MYOM2: variants seen among roughly 807,000 people sequenced by gnomAD.
MYOM2 encodes myomesin-2.
A neutral mutation model predicts 187.6 loss-of-function variants in MYOM2; 254 were observed. That is an observed-to-expected ratio of 1.35 (90% CI 1.22 to 1.50). The LOEUF (loss-of-function observed/expected upper bound fraction) is 1.50, where lower values mean the gene tolerates loss of function less well. Among genes scored for constraint, MYOM2 ranks in the 40% most tolerant of loss-of-function variants. The probability of loss-of-function intolerance (pLI) is 0.00; values close to 1 mark genes in which losing one functional copy is unlikely to be tolerated. For synonymous variants in MYOM2, 981 were observed against 753.8 expected, an observed-to-expected ratio of 1.30 and a Z score of -4.94; for missense variants, 2,796 against 1,924.0, an observed-to-expected ratio of 1.45 and a Z score of -8.48.
In MYOM2 at chr8:2,106,557, T is replaced by C; in HGVS notation, c.2958T>C (p.Asp986=). ...GGACTTACTCCGTGTCTGTAAGTGATACAGACGGAGTGTCCTCCAGTTTTG... is the reference window on the plus strand; with the variant it reads ...GGACTTACTCCGTGTCTGTAAGTGACACAGACGGAGTGTCCTCCAGTTTTG... ...DLGTYSVSVS[D]TDGVSSSFVL... The change falls in exon 23 of 37, where the codon GAT becomes GAC. Residue 986 remains aspartate, a synonymous_variant. Coordinates refer to ENST00000262113, the MANE Select transcript of MYOM2 (RefSeq NM_003970.4). The C allele has an allele frequency of 6.2e-7, 1 of 1,611,140 alleles. No homozygotes were observed. The highest frequency in any genetic ancestry group is 1.1e-5 in the South Asian group (1 of 91,034).
chr8:2,086,588 A>G (rs1254662636), intron 14 of MYOM2, among the ~76,000 whole-genome samples: 1 of 150,794 alleles, frequency 6.6e-6, no homozygotes, highest in African/African-American at 2.4e-5. Context: ...CAGACCCTGC[A>G]CCGTTGCTGG....
chr8:2,057,973 A>G (rs1393438212), intron 5 of MYOM2, among the ~76,000 whole-genome samples, 193 bp downstream of exon 5: 1 of 125,788 alleles, frequency 7.9e-6, no homozygotes, highest in Non-Finnish European at 1.7e-5. Context: ...TTTTCATGAC[A>G]TTGAGTCAAC....
chr8:2,135,062 C>G (rs1798021366), intron 32 of MYOM2, among the ~76,000 whole-genome samples: 1 of 152,212 alleles, frequency 6.6e-6, no homozygotes, highest in Admixed American at 6.5e-5. Context: ...CCCAGCCCAA[C>G]TCCACAGCCT....
intron 32 of MYOM2, among the ~76,000 whole-genome samples, chr8:2,133,227 G>A (rs902748226): frequency 6.6e-6 from 1 of 152,198 alleles, no homozygotes; most frequent in African/African-American, 2.4e-5. Context: ...TCCCAAAGGA[G>A]GTCTGCATTC....
intron 10 of MYOM2, among the ~76,000 whole-genome samples, chr8:2,074,316 G>C (rs530636725): frequency 6.6e-6 from 1 of 152,170 alleles, no homozygotes; most frequent in East Asian, 1.9e-4. Flanking sequence ...CTCAGAGGCA[G>C]GAGAAATGTC....
At chr8:2,126,841 T>A (rs1419616957) in intron 31 of MYOM2, among the ~76,000 whole-genome samples, 9 of 107,056 alleles carry the variant, frequency 8.4e-5, no homozygotes, top group African/African-American at 3.3e-4. Flanking sequence ...CTGGGAGAGG[T>A]TGATAGAGGC....
Position 2,145,214 on chromosome 8 carries a change from G to A in MYOM2, c.*233G>A, listed in dbSNP as rs1370918456. On this transcript the variant is annotated 3_prime_UTR_variant, in exon 37 of 37. Transcript: ENST00000262113. ...AACGTGTATTTACACGAGGGTAGAC[G>A]GCAGATGCCTGACAGAGAGTGGGTT... 3.4e-6 allele frequency: 2 copies of A among 584,458 alleles called. No individual in the cohort carries two copies. Among genetic ancestry groups the A allele is most frequent in the East Asian group, 2.9e-5 (1 of 34,540 alleles). The allele number at this position is 584,458 out of a possible 1,614,324, so 36.2% of individuals were successfully genotyped here.
intron 36 of MYOM2, 90 bp from the exon 37 acceptor site, chr8:2,144,574 T>G (rs1438324191): frequency 3.9e-6 from 5 of 1,284,126 alleles, no homozygotes; most frequent in African/African-American, 3.0e-5. Flanking sequence ...TAAATGTAAC[T>G]GAGTGTGACC....
chr8:2,122,301 C>T (rs1797484358), intron 28 of MYOM2, among the ~76,000 whole-genome samples: 2 of 152,244 alleles, frequency 1.3e-5, no homozygotes, highest in Admixed American at 6.5e-5. Context: ...CTTTGCAGCT[C>T]AGTGGGATAC....
intron 17 of MYOM2, among the ~76,000 whole-genome samples, chr8:2,095,114 C>A (rs79821537): frequency 0.048 from 7,337 of 152,198 alleles, 210 homozygotes; most frequent in East Asian, 0.13. Context: ...TAAAATTTAT[C>A]TTCTAATGAT....
chr8:2,113,198 G>A (rs758779038), intron 25 of MYOM2, among the ~76,000 whole-genome samples: 1 of 152,226 alleles, frequency 6.6e-6, no homozygotes, highest in Non-Finnish European at 1.5e-5. Flanking sequence ...GTCCCGCGCT[G>A]GACATTGGAT....
At position 2,138,903 on chromosome 8, in the gene MYOM2, C is replaced by T. The variant is rs1798175530; in HGVS notation, c.3801-1820C>T. On this transcript the variant is annotated intron_variant, in intron 32 of 36. Transcript: ENST00000262113. Reference sequence around the variant, plus strand: ...TCTGGCTTAGTGTGCGCCAGGATCCCACTGTGCCTTCACAGAACTCCCACT... The same window carrying T: ...TCTGGCTTAGTGTGCGCCAGGATCCTACTGTGCCTTCACAGAACTCCCACT... 2.0e-5 allele frequency among the ~76,000 whole-genome samples: 3 copies of T among 152,096 alleles called. 1 individual carries two copies. Among genetic ancestry groups the T allele is most frequent in the African/African-American group, 7.2e-5 (3 of 41,388 alleles).
At chr8:2,125,090 G>C (rs1336414116) in intron 31 of MYOM2, among the ~76,000 whole-genome samples, 1 of 151,890 alleles carries the variant, frequency 6.6e-6, no homozygotes, top group Non-Finnish European at 1.5e-5. Context: ...TTTTAGTTTT[G>C]TGCAGTACCA....
intron 10 of MYOM2, among the ~76,000 whole-genome samples, chr8:2,075,573 T>A (rs1325057911): frequency 2.0e-5 from 3 of 152,220 alleles, no homozygotes; most frequent in Non-Finnish European, 2.9e-5. Flanking sequence ...GATAAGAAGG[T>A]TCACATTCAG....
intron 32 of MYOM2, among the ~76,000 whole-genome samples, chr8:2,137,292 G>T (rs749610956): frequency 6.6e-6 from 1 of 151,948 alleles, no homozygotes; most frequent in South Asian, 2.1e-4. Flanking sequence ...CGATTGTTGC[G>T]TCCTCTTGGT....
In MYOM2 at chr8:2,085,413, G is replaced by GTCGT. The variant is rs1405394779; in HGVS notation, c.1644+23_1644+24insTCGT. 13 of 1,582,292 alleles carry GTCGT rather than the reference G, an allele frequency of 8.2e-6. No individual in the cohort carries two copies. The Admixed American group carries it at 1.6e-4, about 19-fold the overall frequency. On this transcript the variant is annotated intron_variant, in intron 14 of 36. Coordinates refer to ENST00000262113, the MANE Select transcript of MYOM2 (RefSeq NM_003970.4). Reference sequence around the variant, plus strand: ...AAGGTAAACTCCGGGCCCGTGTCCTGGAAAAGTAGATCTCTGCATGGCCCC... The same window carrying GTCGT: ...AAGGTAAACTCCGGGCCCGTGTCCTGTCGTGAAAAGTAGATCTCTGCATGGCCCC...
chr8:2,141,994 T>G (rs758565549), intron 34 of MYOM2, among the ~76,000 whole-genome samples: 49 of 151,758 alleles, frequency 3.2e-4, no homozygotes, highest in Non-Finnish European at 4.0e-4. Flanking sequence ...ATTTGTTGAC[T>G]GGGTGCAGGG....
At chr8:2,067,956 G>C (rs574636362) in intron 6 of MYOM2, among the ~76,000 whole-genome samples, 50 of 152,098 alleles carry the variant, frequency 3.3e-4, no homozygotes, top group Non-Finnish European at 5.7e-4. Flanking sequence ...GGAACAGGGA[G>C]TTTGTCACTT....
chr8:2,069,421 G>T (rs752598316), intron 7 of MYOM2, 26 bp from the exon 8 acceptor site: 3 of 1,614,120 alleles, frequency 1.9e-6, no homozygotes, highest in Non-Finnish European at 2.5e-6. Flanking sequence ...TCTCTTTTCT[G>T]CTGCACTCAC....
Sources: gnomAD v4.1 joint callset for allele counts (sites outside exome capture counted in the v4.1 genomes callset) on GRCh38, gnomAD v4.1.1 for gene constraint, MANE v1.5 for transcripts, NCBI Gene and HGNC (gene_info 2026-07-23, HGNC 2026-07-21) for gene names.